Variants in PHF24 observed in about 807,000 individuals in gnomAD.
The protein encoded by PHF24 is Galpha inhibitory interacting protein.
In PHF24, 25 loss-of-function variants were observed where a neutral mutation model predicts 42.6. The observed-to-expected ratio is 0.59, with a 90% CI of 0.43 to 0.82. PHF24 has a LOEUF of 0.82. Ranked by LOEUF, PHF24 falls within the 40% of genes least tolerant of loss-of-function variation. PHF24 has a pLI of 0.00. For synonymous variants in PHF24, 185 were observed against 204.8 expected (o/e 0.90, Z 0.83); for missense variants, 470 against 538.1 (o/e 0.87, Z 1.25).
the PHF24 span, chr9:34,726,805 A>T: frequency 1.7e-5 from 26 of 1,551,658 alleles, no homozygotes; most frequent in Non-Finnish European, 2.3e-5. Context: ...AAGACATACT[A>T]GACGTAGACA....
chr9:34,682,747 C>G, the PHF24 span, among the ~76,000 whole-genome samples: 1 of 152,092 alleles, frequency 6.6e-6, no homozygotes, highest in South Asian at 2.1e-4. Context: ...GACACATGAC[C>G]TAGGCTTTGC....
chr9:34,953,427 C>T (rs1415693302), upstream of PHF24, among the ~76,000 whole-genome samples: 1 of 152,130 alleles, frequency 6.6e-6, no homozygotes, highest in Non-Finnish European at 1.5e-5. This position sits in a 1 kb window ranked among gnomAD's most constrained non-coding sequence, Gnocchi z 4.1. Context: ...TGTGAGTCAC[C>T]GCATCCAGCC....
chr9:34,760,353 C>G, the PHF24 span, among the ~76,000 whole-genome samples: 1 of 152,174 alleles, frequency 6.6e-6, no homozygotes, highest in Non-Finnish European at 1.5e-5. Context: ...AGACTTGTCT[C>G]TCCACATAAG....
the PHF24 span, chr9:34,917,967 A>T: frequency 6.9e-7 from 1 of 1,444,972 alleles, no homozygotes; most frequent in Non-Finnish European, 9.8e-7. Flanking sequence ...GTGGGAGGAG[A>T]ATGGTCTGAA....
chr9:34,917,153 G>C, the PHF24 span: 1 of 1,209,072 alleles, frequency 8.3e-7, no homozygotes, highest in Non-Finnish European at 1.2e-6. Flanking sequence ...CCGTCTGCTC[G>C]GCACCCAGAA....
chr9:34,978,836 A>T (rs1827296829), exon 8 of PHF24: 1 of 152,210 alleles, frequency 6.6e-6, no homozygotes, highest in Non-Finnish European at 1.5e-5. Context: ...AGCCCTTCCC[A>T]GGGACTCGGG....
the PHF24 span, among the ~76,000 whole-genome samples, chr9:34,745,073 G>T: frequency 3.9e-5 from 6 of 152,166 alleles, no homozygotes; most frequent in African/African-American, 1.4e-4. Context: ...CTAAAGGAGT[G>T]CAGGGGTGTA....
chr9:34,723,434 G>A, the PHF24 span: 12 of 1,551,606 alleles, frequency 7.7e-6, no homozygotes, highest in Admixed American at 2.0e-5. Context: ...GCACCCTGTC[G>A]GCTTCTCCGT....
the PHF24 span, among the ~76,000 whole-genome samples, chr9:34,875,950 A>ACT: frequency 3.0e-4 from 24 of 78,744 alleles, no homozygotes; most frequent in East Asian, 5.1e-3. Context: ...ACACACACAC[A>ACT]CTCTCTCTCT....
chr9:34,869,526 T>C, the PHF24 span, among the ~76,000 whole-genome samples: 1 of 152,162 alleles, frequency 6.6e-6, no homozygotes, highest in Non-Finnish European at 1.5e-5. Context: ...CTTTTTTTCA[T>C]GTTTCTTGGC....
chr9:34,906,327 G>T, the PHF24 span, among the ~76,000 whole-genome samples: 1 of 152,038 alleles, frequency 6.6e-6, no homozygotes, highest in Admixed American at 6.6e-5. Flanking sequence ...TACATGAAGG[G>T]TATACATTGG....
chr9:34,701,450 G>A, the PHF24 span, among the ~76,000 whole-genome samples: 53 of 152,284 alleles, frequency 3.5e-4, no homozygotes, highest in African/African-American at 1.2e-3. The surrounding 1 kb of genome is among the most constrained non-coding windows in gnomAD (Gnocchi z 5.8). Flanking sequence ...TGGGCCTGCA[G>A]GGGGCGCCCC....
At chr9:34,972,305 A>G (rs1827020863) in intron 2 of PHF24, 41 bp from the exon 3 acceptor site, 3 of 1,545,480 alleles carry the variant, frequency 1.9e-6, no homozygotes, top group Admixed American at 1.8e-5. Context: ...CTTGCTGCCT[A>G]CATTTACACA....
the PHF24 span, among the ~76,000 whole-genome samples, chr9:34,871,331 G>A: frequency 1.3e-5 from 2 of 152,194 alleles, no homozygotes; most frequent in Admixed American, 6.5e-5. Context: ...TGTATACTTT[G>A]GATAGCAGTC....
chr9:34,906,126 G>C, the PHF24 span, among the ~76,000 whole-genome samples: 1 of 152,036 alleles, frequency 6.6e-6, no homozygotes, highest in Non-Finnish European at 1.5e-5. Flanking sequence ...TGAGGGTGTT[G>C]GGGCTGTTAG....
the PHF24 span, among the ~76,000 whole-genome samples, chr9:34,885,446 C>T: frequency 8.3e-6 from 1 of 120,722 alleles, no homozygotes; most frequent in African/African-American, 2.8e-5. Flanking sequence ...CCAACTGTCT[C>T]TCACAACATG....
the PHF24 span, among the ~76,000 whole-genome samples, chr9:34,763,528 G>A: frequency 6.6e-6 from 1 of 152,270 alleles, no homozygotes; most frequent in East Asian, 1.9e-4. Flanking sequence ...GAATGCTTGT[G>A]ATTTTTGTAC....
At chr9:34,727,112 G>T in the PHF24 span, 13 of 1,426,252 alleles carry the variant, frequency 9.1e-6, no homozygotes, top group South Asian at 2.0e-4. Context: ...CCATCTTGTT[G>T]TCTACCTGTC....
chr9:34,947,270 G>A, the PHF24 span, among the ~76,000 whole-genome samples: 59 of 152,130 alleles, frequency 3.9e-4, 1 homozygote, highest in East Asian at 3.8e-4. Context: ...AGTGGTGGAC[G>A]AAATATACAA....
Sources: gnomAD v4.1 joint callset for allele counts (sites outside exome capture counted in the v4.1 genomes callset) on GRCh38, gnomAD v4.1.1 for gene constraint, Gnocchi (gnomAD v3.1) non-coding constraint, MANE v1.5 for transcripts, NCBI Gene and HGNC (gene_info 2026-07-23, HGNC 2026-07-21) for gene names.